AP3S1: variants seen among roughly 807,000 people sequenced by gnomAD.
AP3S1 encodes the protein adaptor related protein complex 3 subunit sigma 1.
In AP3S1, 12 loss-of-function variants were observed where a neutral mutation model predicts 21.3. The observed-to-expected ratio is 0.56, with a 90% CI of 0.36 to 0.91. The LOEUF (loss-of-function observed/expected upper bound fraction) is 0.91, where lower values mean the gene tolerates loss of function less well. AP3S1 is among the 40% of genes least tolerant of loss of function. AP3S1 has a pLI of 0.01. For synonymous variants in AP3S1, 48 were observed against 78.4 expected (o/e 0.61, Z 2.05); for missense variants, 116 against 225.0 (o/e 0.52, Z 3.10).
At chr5:115,842,326 T>A (rs536381396) in intron 1 of AP3S1, among the ~76,000 whole-genome samples, 5 of 152,246 alleles carry the variant, frequency 3.3e-5, no homozygotes, top group African/African-American at 1.2e-4. Flanking sequence ...CCCGGGCGGT[T>A]CCTCCGCCCG....
chr5:115,900,062 AAG>A (rs146833577), intron 4 of AP3S1, among the ~76,000 whole-genome samples: 1,927 of 152,272 alleles, frequency 0.013, 52 homozygotes, highest in African/African-American at 0.044. Flanking sequence ...ATTGGGAGAA[AAG>A]AGAAAGTATA....
chr5:115,857,717 ACAT>A, intron 1 of AP3S1, among the ~76,000 whole-genome samples: 1 of 152,306 alleles, frequency 6.6e-6, no homozygotes, highest in East Asian at 1.9e-4. Context: ...TTACTTGTAG[ACAT>A]GATTTATTCT....
chr5:115,865,694 C>G (rs1262851561), intron 1 of AP3S1, among the ~76,000 whole-genome samples: 1 of 152,028 alleles, frequency 6.6e-6, no homozygotes, highest in African/African-American at 2.4e-5. Context: ...ATTACTACTG[C>G]GATTTAGTAT....
In AP3S1 at chr5:115,842,046, G is replaced by A. The variant is rs1291864982; in HGVS notation, c.9G>A (p.Lys3=). The A allele has an allele frequency of 1.3e-6, 2 of 1,592,188 alleles. No homozygotes were observed. Among genetic ancestry groups the A allele is most frequent in the Admixed American group, 1.7e-5 (1 of 57,228 alleles). MI[K]AILIFNNHGK... ...GTCGGCCCGGCACAGCCATGATCAA[G>A]GCGATCCTAATCTTCAACAACCACG... The change falls in exon 1 of 6, where the codon AAG becomes AAA. Residue 3 remains lysine, a synonymous_variant. Transcript: ENST00000316788.
At chr5:115,848,726 G>C (rs1762235672) in intron 1 of AP3S1, among the ~76,000 whole-genome samples, 1 of 152,134 alleles carries the variant, frequency 6.6e-6, no homozygotes, top group South Asian at 2.1e-4. Context: ...ACCATCTAGA[G>C]GGCCCAGTCC....
chr5:115,851,991 A>C (rs897751599), intron 1 of AP3S1, among the ~76,000 whole-genome samples: 1 of 151,888 alleles, frequency 6.6e-6, no homozygotes, highest in African/African-American at 2.4e-5. Flanking sequence ...ATGAGATTAA[A>C]TAAGAGAATG....
chr5:115,906,556 G>A (rs1333852223), intron 5 of AP3S1, among the ~76,000 whole-genome samples: 1 of 152,098 alleles, frequency 6.6e-6, no homozygotes, highest in Non-Finnish European at 1.5e-5. Flanking sequence ...TTGGAATATT[G>A]GGAGAGGAGG....
chr5:115,892,695 G>T (rs1013012609), intron 3 of AP3S1, among the ~76,000 whole-genome samples: 2 of 152,148 alleles, frequency 1.3e-5, no homozygotes, highest in African/African-American at 4.8e-5. Flanking sequence ...GAAGATGGTT[G>T]TGGAGATGGT....
chr5:115,875,287 A>T (rs958789120), intron 3 of AP3S1, among the ~76,000 whole-genome samples: 1 of 152,182 alleles, frequency 6.6e-6, no homozygotes, highest in Non-Finnish European at 1.5e-5. Flanking sequence ...TTTATAAGCC[A>T]AGAATACTTA....
At chr5:115,906,888 CTA>C in intron 5 of AP3S1, 2 of 1,479,144 alleles carry the variant, frequency 1.4e-6, no homozygotes, top group Non-Finnish European at 1.8e-6. Flanking sequence ...GAAATATGTA[CTA>C]TAACAAAGGG....
At chr5:115,842,211 T>A (rs543925725) in intron 1 of AP3S1, 105 bp downstream of exon 1, 1 of 1,428,042 alleles carries the variant, frequency 7.0e-7, no homozygotes, top group Non-Finnish European at 9.3e-7. Context: ...GCTGCGGCCC[T>A]TGTCCCGTCC....
chr5:115,858,985 G>A (rs182419079), intron 1 of AP3S1, among the ~76,000 whole-genome samples: 1 of 151,610 alleles, frequency 6.6e-6, no homozygotes, highest in African/African-American at 2.4e-5. Context: ...TGGGATACAT[G>A]TGCAGAATGG....
intron 4 of AP3S1, among the ~76,000 whole-genome samples, chr5:115,896,051 T>C (rs1467067926): frequency 6.6e-6 from 1 of 152,200 alleles, no homozygotes; most frequent in African/African-American, 2.4e-5. Flanking sequence ...TTATGAGTGA[T>C]TCAACTACTG....
In AP3S1 at chr5:115,913,349, C is replaced by T. The variant is rs1354281844; in HGVS notation, c.454-13C>T. On this transcript the variant is annotated splice_polypyrimidine_tract_variant and intron_variant, in intron 5 of 5. Transcript: ENST00000316788. ...GTACATTTTCTTTTTCTTTTATTTG[C>T]TTCTGTATACAGGCTGGCTTAGCAG... The T allele has an allele frequency of 2.7e-6, 2 of 727,274 alleles. No homozygotes were observed. The highest frequency in any genetic ancestry group is 5.1e-5 in the South Asian group (1 of 19,796). 45.1% of individuals were successfully genotyped at this position (727,274 alleles called of 1,614,324 possible).
chr5:115,866,589 C>A, intron 1 of AP3S1, 81 bp from the exon 2 acceptor site: 1 of 941,644 alleles, frequency 1.1e-6, no homozygotes, highest in Non-Finnish European at 1.5e-6. Flanking sequence ...ACAGATATTG[C>A]TACCTTTGAT....
intron 3 of AP3S1, among the ~76,000 whole-genome samples, chr5:115,879,814 G>T (rs1179717231): frequency 6.6e-6 from 1 of 152,108 alleles, no homozygotes; most frequent in Non-Finnish European, 1.5e-5. Flanking sequence ...GTAGAATTCG[G>T]CTGTCAACCT....
chr5:115,870,266 GA>G (rs1337743130), intron 3 of AP3S1, 138 bp downstream of exon 3: 1 of 551,796 alleles, frequency 1.8e-6, no homozygotes, highest in Non-Finnish European at 3.1e-6. Context: ...GTTGGTAAAA[GA>G]GGTCAGAGGA....
At chr5:115,859,711 C>G (rs1763034243) in intron 1 of AP3S1, among the ~76,000 whole-genome samples, 1 of 152,166 alleles carries the variant, frequency 6.6e-6, no homozygotes, top group Non-Finnish European at 1.5e-5. Flanking sequence ...TTTTAGTGAA[C>G]AGCTAACAGT....
At chr5:115,848,846 A>T (rs966733691) in intron 1 of AP3S1, among the ~76,000 whole-genome samples, 3 of 152,196 alleles carry the variant, frequency 2.0e-5, no homozygotes, top group Non-Finnish European at 4.4e-5. Flanking sequence ...TTGAAGTACA[A>T]TATAGTTAAA....
Sources: gnomAD v4.1 joint callset for allele counts (sites outside exome capture counted in the v4.1 genomes callset) on GRCh38, gnomAD v4.1.1 for gene constraint, MANE v1.5 for transcripts, NCBI Gene and HGNC (gene_info 2026-07-23, HGNC 2026-07-21) for gene names.